TGFBR3: variants seen among roughly 807,000 people sequenced by gnomAD.
TGFBR3 encodes transforming growth factor beta receptor type 3.
Under a neutral mutation model 87.9 loss-of-function variants are expected in TGFBR3, and 46 were observed. The observed-to-expected ratio is 0.52, with a 90% CI of 0.41 to 0.67. TGFBR3 has a LOEUF of 0.67. Ranked by LOEUF, TGFBR3 falls within the 30% of genes least tolerant of loss-of-function variation. The pLI, the probability that TGFBR3 is intolerant of heterozygous loss-of-function variation, is 0.00. For synonymous variants in TGFBR3, 381 were observed against 391.6 expected, an observed-to-expected ratio of 0.97 and a Z score of 0.32; for missense variants, 866 against 1,041.9, an observed-to-expected ratio of 0.83 and a Z score of 2.32.
At chr1:91,763,191 T>C (rs1194161000) in intron 3 of TGFBR3, among the ~76,000 whole-genome samples, 1 of 152,254 alleles carries the variant, frequency 6.6e-6, no homozygotes, top group Non-Finnish European at 1.5e-5. Context: ...ATTCATAATA[T>C]AGATGCAAGG....
At chr1:91,842,705 C>T (rs577102346) in intron 2 of TGFBR3, among the ~76,000 whole-genome samples, 15 of 152,292 alleles carry the variant, frequency 9.8e-5, no homozygotes, top group Non-Finnish European at 7.4e-5. Flanking sequence ...TTTTCCTACA[C>T]ATATATATTG....
At chr1:91,838,521 C>T (rs887507376) in intron 2 of TGFBR3, among the ~76,000 whole-genome samples, 9 of 145,344 alleles carry the variant, frequency 6.2e-5, no homozygotes, top group Admixed American at 2.8e-4. Flanking sequence ...TGCAGTGGGG[C>T]AAACTCGGCG....
At position 91,835,882 on chromosome 1, in the gene TGFBR3, G is replaced by A. The variant is rs543352079; in HGVS notation, c.61+25589C>T. Among the ~76,000 whole-genome samples the A allele has an allele frequency of 1.8e-4, 26 of 141,148 alleles. 1 individual carries two copies. Among genetic ancestry groups the A allele is most frequent in the Non-Finnish European group, 3.3e-4 (22 of 65,848 alleles). 92.6% of individuals were successfully genotyped at this position (141,148 alleles called of 152,430 possible). ...CAACATACCACTAGAACTCTACCATGCCCTATGAATACCAAATCTTCCCAG... is the reference window on the plus strand; with the variant it reads ...CAACATACCACTAGAACTCTACCATACCCTATGAATACCAAATCTTCCCAG... On this transcript the variant is annotated intron_variant, in intron 2 of 16. Transcript: ENST00000212355.
intron 1 of TGFBR3, among the ~76,000 whole-genome samples, chr1:91,870,506 G>T (rs1456286496): frequency 6.6e-6 from 1 of 152,310 alleles, no homozygotes; most frequent in South Asian, 2.1e-4. Flanking sequence ...TTATTCTGTG[G>T]TTGATCAAGT....
intron 14 of TGFBR3, among the ~76,000 whole-genome samples, chr1:91,706,658 G>C (rs147034577): frequency 6.6e-6 from 1 of 152,144 alleles, no homozygotes; most frequent in African/African-American, 2.4e-5. Flanking sequence ...TCTGTCTATG[G>C]AGTAGCCATT....
At position 91,772,380 on chromosome 1, in the gene TGFBR3, C is replaced by A. The variant is rs536699810; in HGVS notation, c.247-13630G>T. 1.0e-4 allele frequency among the ~76,000 whole-genome samples: 13 copies of A among 125,756 alleles called. No homozygotes were observed. The South Asian group carries it at 2.7e-3, about 26-fold the overall frequency. 82.5% of individuals were successfully genotyped at this position (125,756 alleles called of 152,430 possible). A position where few individuals can be genotyped will look rare whatever the true frequency, so the allele number is the denominator to read the frequency against. ...TCTAAAGGGTACCTTTAGATTGTTG[C>A]TGAATTACCAAGGAATATCTTGCAT... On this transcript the variant is annotated intron_variant, in intron 3 of 16. Coordinates refer to ENST00000212355, the MANE Select transcript of TGFBR3 (RefSeq NM_003243.5).
chr1:91,741,218 A>G (rs967368980), intron 4 of TGFBR3, among the ~76,000 whole-genome samples: 3 of 152,216 alleles, frequency 2.0e-5, no homozygotes, highest in Non-Finnish European at 4.4e-5. Flanking sequence ...CATGACCCTG[A>G]GGTTCAATTA....
chr1:91,713,090 C>A (rs987707962), intron 12 of TGFBR3, among the ~76,000 whole-genome samples: 1 of 152,296 alleles, frequency 6.6e-6, no homozygotes, highest in African/African-American at 2.4e-5. Context: ...GAGCTGGCTC[C>A]GGCGCTGGGT....
chr1:91,715,564 T>A (rs750104061), intron 12 of TGFBR3, among the ~76,000 whole-genome samples: 29 of 152,214 alleles, frequency 1.9e-4, no homozygotes, highest in Middle Eastern at 3.2e-3. Context: ...GCAGCAAATG[T>A]TAGATGTTGT....
rs1557653547 is a variant in TGFBR3, at chr1:91,682,865, T to C, written c.*874A>G. 2.2e-6 allele frequency: 1 copy of C among 453,166 alleles called. No homozygotes were observed. The highest frequency in any genetic ancestry group is 1.6e-5 in the South Asian group (1 of 64,466). The allele number at this position is 453,166 out of a possible 1,614,324, so 28.1% of individuals were successfully genotyped here. ...TTGTACTTGCATACACATAGAAATATATCACTGTGCAAATTCGTCCTTGAC... is the reference window on the plus strand; with the variant it reads ...TTGTACTTGCATACACATAGAAATACATCACTGTGCAAATTCGTCCTTGAC... On this transcript the variant is annotated 3_prime_UTR_variant, in exon 17 of 17. Coordinates refer to ENST00000212355, the MANE Select transcript of TGFBR3 (RefSeq NM_003243.5).
In TGFBR3 at chr1:91,708,669, A is replaced by C; in HGVS notation, c.2281T>G (p.Ser761Ala). The C allele has an allele frequency of 6.2e-7, 1 of 1,614,060 alleles. No individual in the cohort carries two copies. The highest frequency in any genetic ancestry group is 8.5e-7 in the Non-Finnish European group (1 of 1,179,922). The change falls in exon 14 of 17, where the codon TCT becomes GCT. Residue 761 changes from serine to alanine, a missense_variant. By Grantham distance (99) the Ser-to-Ala change is moderately conservative. Coordinates refer to ENST00000212355, the MANE Select transcript of TGFBR3 (RefSeq NM_003243.5). ...CGTGCCTCCCAAAGCACACCTTTAG[A>C]TTCTGCTTCATGGTGGATCACAGCA... Reference protein sequence around the residue: ...PLAVIHHEAESKEKGPSMKEP... With the variant: ...PLAVIHHEAEAKEKGPSMKEP...
chr1:91,806,967 T>C (rs1675858382), intron 2 of TGFBR3, among the ~76,000 whole-genome samples: 1 of 152,198 alleles, frequency 6.6e-6, no homozygotes, highest in Admixed American at 6.5e-5. Flanking sequence ...ACTGCCTCAC[T>C]TCAATCGAGC....
chr1:91,818,255 C>T (rs561786153), intron 2 of TGFBR3, among the ~76,000 whole-genome samples: 2 of 127,332 alleles, frequency 1.6e-5, no homozygotes, highest in South Asian at 5.3e-4. Flanking sequence ...ACTGCAACTG[C>T]ACCATTTCCC....
intron 3 of TGFBR3, among the ~76,000 whole-genome samples, chr1:91,791,921 G>A (rs971508899): frequency 3.9e-5 from 6 of 152,168 alleles, no homozygotes; most frequent in Non-Finnish European, 8.8e-5. Flanking sequence ...GTCATTTGGG[G>A]GATGTGAGAG....
At chr1:91,721,382 C>T (rs1215182540) in intron 8 of TGFBR3, among the ~76,000 whole-genome samples, 1 of 152,160 alleles carries the variant, frequency 6.6e-6, no homozygotes, top group Non-Finnish European at 1.5e-5. Context: ...TACTCCTAAT[C>T]CTTATTCTAT....
intron 3 of TGFBR3, among the ~76,000 whole-genome samples, chr1:91,790,880 AGTGGT>A (rs1675163256): frequency 6.6e-6 from 1 of 152,192 alleles, no homozygotes; most frequent in Non-Finnish European, 1.5e-5. Context: ...CAGTTCTTTT[AGTGGT>A]GTTGGGCAAG....
chr1:91,719,370 T>C lies in TGFBR3; in HGVS notation c.1508A>G (p.Asn503Ser), dbSNP rs201897960. The C allele has an allele frequency of 6.1e-5, 99 of 1,614,154 alleles. No individual in the cohort carries two copies. In the East Asian group the frequency reaches 1.7e-3, roughly 27 times the overall value. The change falls in exon 10 of 17, where the codon AAT becomes AGT. Residue 503 changes from asparagine (N) to serine (S), a missense_variant. Asn to Ser is a conservative substitution (Grantham distance 46). Coordinates refer to ENST00000212355, the MANE Select transcript of TGFBR3 (RefSeq NM_003243.5). ...CCACCGGGGCCGAGTACCGCAGCCA[T>C]TCAGAGGAGACTCCAAAACAAAGTG... ...GTHFVLESPLNGCGTRPRWSA... is the reference protein window; with the variant it reads ...GTHFVLESPLSGCGTRPRWSA...
chr1:91,800,354 G>GTA (rs1553168330), intron 2 of TGFBR3, among the ~76,000 whole-genome samples: 63 of 147,772 alleles, frequency 4.3e-4, no homozygotes, highest in African/African-American at 1.0e-3. Context: ...GTGTGTGTGT[G>GTA]TATATAAAAG....
chr1:91,787,346 T>G (rs1444928273), intron 3 of TGFBR3, among the ~76,000 whole-genome samples: 4 of 151,984 alleles, frequency 2.6e-5, no homozygotes, highest in Non-Finnish European at 5.9e-5. Flanking sequence ...AACATCTCCA[T>G]TTTACAGATG....
Sources: allele counts gnomAD v4.1 joint callset (sites outside exome capture counted in the v4.1 genomes callset), GRCh38; gene constraint gnomAD v4.1.1; transcripts MANE v1.5; gene names NCBI Gene and HGNC (gene_info 2026-07-23, HGNC 2026-07-21).